The following KALRN variants were observed in gnomAD, a reference collection of about 807,000 sequenced individuals.
KALRN encodes the protein kalirin.
In KALRN, 70 loss-of-function variants were observed where a neutral mutation model predicts 353.7. The ratio of observed to expected loss-of-function variants is 0.20; its 90% confidence interval spans 0.16 to 0.24. The LOEUF (loss-of-function observed/expected upper bound fraction) is 0.24. Ranked by LOEUF, KALRN falls within the 10% of genes least tolerant of loss-of-function variation. The pLI is 1.00. For synonymous variants in KALRN, 1,391 were observed against 1,434.8 expected, an observed-to-expected ratio of 0.97 and a Z score of 0.69; for missense variants, 2,791 against 3,756.7, an observed-to-expected ratio of 0.74 and a Z score of 6.72.
intron 27 of KALRN, among the ~76,000 whole-genome samples, chr3:124,480,460 A>G (rs928081026): frequency 6.6e-6 from 1 of 152,152 alleles, no homozygotes; most frequent in Admixed American, 6.6e-5. Context: ...ATTCTTCCCA[A>G]TGCTTTATTC....
At chr3:124,037,508 A>G (rs768138627) in intron 1 of KALRN, among the ~76,000 whole-genome samples, 2 of 152,204 alleles carry the variant, frequency 1.3e-5, no homozygotes, top group Non-Finnish European at 2.9e-5. Context: ...ATTCTGGGGC[A>G]GTAGGGAGTC....
At chr3:124,584,970 G>A in intron 34 of KALRN, 2 of 1,535,192 alleles carry the variant, frequency 1.3e-6, no homozygotes, top group Non-Finnish European at 1.8e-6. Context: ...CAGCGCGAGG[G>A]AGGGTGGTAG....
chr3:124,590,512 T>C (rs1400895408), intron 34 of KALRN, among the ~76,000 whole-genome samples: 3 of 152,182 alleles, frequency 2.0e-5, no homozygotes, highest in African/African-American at 7.2e-5. Flanking sequence ...CTTGAGCCCA[T>C]ACAACACTGG....
intron 10 of KALRN, among the ~76,000 whole-genome samples, chr3:124,363,399 T>C (rs554242819): frequency 1.3e-5 from 2 of 152,354 alleles, no homozygotes; most frequent in South Asian, 4.1e-4. Context: ...CTACCCCACC[T>C]ATATGTACAG....
intron 37 of KALRN, among the ~76,000 whole-genome samples, chr3:124,650,210 A>G (rs1328567959): frequency 6.6e-6 from 1 of 152,190 alleles, no homozygotes; most frequent in Non-Finnish European, 1.5e-5. Flanking sequence ...TAACAGTTCC[A>G]TCCATGGGGA....
intron 3 of KALRN, among the ~76,000 whole-genome samples, chr3:124,245,005 ATCT>A (rs1237972704): frequency 6.7e-6 from 1 of 150,080 alleles, no homozygotes; most frequent in African/African-American, 2.5e-5. Flanking sequence ...AACATTCCAA[ATCT>A]TCTCTTATAG....
At chr3:124,488,372 T>C (rs1382005729) in intron 29 of KALRN, 57 bp downstream of exon 29, 1 of 1,147,850 alleles carries the variant, frequency 8.7e-7, no homozygotes, top group East Asian at 2.3e-5. Flanking sequence ...CGGGGGAGCT[T>C]GTATCATGGG....
rs2063353048 is a variant in KALRN at position 124,721,409 on chromosome 3, C to T, written c.*1939C>T. 1 of 152,162 alleles carries T rather than the reference C, an allele frequency of 6.6e-6. No homozygotes were observed. Among genetic ancestry groups the T allele is most frequent in the Non-Finnish European group, 1.5e-5 (1 of 68,026 alleles). 9.4% of individuals were successfully genotyped at this position (152,162 alleles called of 1,614,324 possible). ...ACTCCCTCAGAGGTCTCTCGACTAA[C>T]CCCTATAGTCTTCATTTGGACCTTT... On this transcript the variant is annotated 3_prime_UTR_variant, in exon 60 of 60. Coordinates refer to ENST00000682506, the MANE Select transcript of KALRN (RefSeq NM_001388419.1).
Position 124,395,297 on chromosome 3 carries a change from C to A in KALRN, c.2125C>A (p.Gln709Lys), listed in dbSNP as rs2090005802. 1 of 1,613,654 alleles carries A rather than the reference C, an allele frequency of 6.2e-7. No homozygotes were observed. Among genetic ancestry groups the A allele is most frequent in the Non-Finnish European group, 8.5e-7 (1 of 1,179,932 alleles). Reference protein sequence around the residue: ...VIKEGEDLIQQLRSAPPSLGE... With the variant: ...VIKEGEDLIQKLRSAPPSLGE... ...CAAGGAAGGCGAAGACCTTATCCAG[C>A]AGCTCAGGTCAGCGCCTCCCTCCCT... Residue 709 changes from glutamine (Q) to lysine (K), a missense_variant, in exon 12 of 60, where the codon CAG (glutamine) becomes AAG (lysine). Transcript: ENST00000682506.
intron 52 of KALRN, 45 bp downstream of exon 52, chr3:124,693,876 A>G (rs2061936796): frequency 7.1e-7 from 1 of 1,402,600 alleles, no homozygotes; most frequent in Non-Finnish European, 1.0e-6. Flanking sequence ...GATTGGTTAA[A>G]TAAATTATAG....
intron 21 of KALRN, among the ~76,000 whole-genome samples, chr3:124,449,312 T>C (rs975196378): frequency 6.6e-6 from 1 of 152,156 alleles, no homozygotes; most frequent in African/African-American, 2.4e-5. Context: ...TATAGAAAGA[T>C]ACTTTCTATG....
At chr3:124,221,015 G>A (rs1462081135) in intron 1 of KALRN, among the ~76,000 whole-genome samples, 1 of 152,218 alleles carries the variant, frequency 6.6e-6, no homozygotes, top group Admixed American at 6.5e-5. Context: ...ATGTAGCACA[G>A]ACCTGGCTCT....
intron 5 of KALRN, among the ~76,000 whole-genome samples, chr3:124,292,916 C>T (rs2076543366): frequency 6.6e-6 from 1 of 151,998 alleles, no homozygotes; most frequent in South Asian, 2.1e-4. Flanking sequence ...AAATTATTAC[C>T]CACATTTTAT....
At chr3:124,638,931 G>A (rs1280894632) in intron 37 of KALRN, among the ~76,000 whole-genome samples, 2 of 152,156 alleles carry the variant, frequency 1.3e-5, no homozygotes, top group Non-Finnish European at 2.9e-5. Flanking sequence ...GGGTACACGA[G>A]CAAAATTATT....
At chr3:124,477,474 A>G in intron 27 of KALRN, 140 bp downstream of exon 27, 1 of 669,852 alleles carries the variant, frequency 1.5e-6, no homozygotes, top group South Asian at 1.9e-5. Context: ...GCATGGAAAA[A>G]AAGCAAAAAC....
At chr3:124,612,473 G>C (rs2078108788) in intron 34 of KALRN, among the ~76,000 whole-genome samples, 1 of 152,224 alleles carries the variant, frequency 6.6e-6, no homozygotes, top group African/African-American at 2.4e-5. Flanking sequence ...AAAGTGCTGG[G>C]ATTACAGGCG....
intron 1 of KALRN, among the ~76,000 whole-genome samples, chr3:124,050,464 A>G (rs1030131360): frequency 9.9e-5 from 15 of 152,118 alleles, no homozygotes; most frequent in African/African-American, 3.6e-4. Context: ...CCTCCACACC[A>G]CAACTGGTGA....
chr3:124,590,019 T>TTTTTTC (rs2075622358), intron 34 of KALRN, among the ~76,000 whole-genome samples: 1 of 149,144 alleles, frequency 6.7e-6, no homozygotes. Flanking sequence ...TTCTTTTTTC[T>TTTTTTC]TTTTTTCTTT....
intron 11 of KALRN, among the ~76,000 whole-genome samples, chr3:124,386,273 T>A (rs539567033): frequency 6.6e-6 from 1 of 152,254 alleles, no homozygotes; most frequent in South Asian, 2.1e-4. Flanking sequence ...TGCTTGATAG[T>A]GGCTCACCCA....
Sources: allele counts gnomAD v4.1 joint callset (sites outside exome capture counted in the v4.1 genomes callset), GRCh38; gene constraint gnomAD v4.1.1; transcripts MANE v1.5; gene names NCBI Gene and HGNC (gene_info 2026-07-23, HGNC 2026-07-21).